The following CFAP54 variants were observed in gnomAD, a reference collection of about 807,000 sequenced individuals.
The protein encoded by CFAP54 is cilia- and flagella-associated protein 54.
In CFAP54, 290 loss-of-function variants were observed where a neutral mutation model predicts 370.4. The observed-to-expected ratio is 0.78, with a 90% confidence interval of 0.71 to 0.86. The LOEUF (loss-of-function observed/expected upper bound fraction) is 0.86, where lower values mean the gene tolerates loss of function less well. Among genes scored for constraint, CFAP54 ranks in the 40% least tolerant of loss-of-function variants. The pLI is 0.00. For missense variants in CFAP54, 3,399 were observed against 3,528.7 expected (o/e 0.96, Z 0.93); for synonymous variants, 1,206 against 1,236.5 (o/e 0.98, Z 0.52).
rs775805309 is a variant in CFAP54 at position 96,564,513 on chromosome 12, C to T, written c.2456C>T (p.Pro819Leu). The T allele has an allele frequency of 1.6e-4, 111 of 698,554 alleles. 1 individual carries two copies. In the East Asian group the frequency reaches 2.1e-3, roughly 13 times the overall value. The allele number at this position is 698,554 out of a possible 1,614,324, so 43.3% of individuals were successfully genotyped here. A position where few individuals can be genotyped will look rare whatever the true frequency, so the allele number is the denominator to read the frequency against. ...TVSKDISTKGPEKLKQSGSTD... is the reference protein window; with the variant it reads ...TVSKDISTKGLEKLKQSGSTD... ...AGCAAAGATATTTCTACCAAGGGTC[C>T]GGAAAAGTTAAAACAATCTGGAAGC... is the stretch of plus-strand genomic sequence containing the variant. Residue 819 changes from proline to leucine, a missense_variant, in exon 18 of 68, where the codon CCG (proline) becomes CTG (leucine). By Grantham distance (98) the Pro-to-Leu change is moderately conservative. Coordinates refer to ENST00000524981, the MANE Select transcript of CFAP54 (RefSeq NM_001306084.2).
intron 39 of CFAP54, 107 bp from the exon 40 acceptor site, chr12:96,679,493 G>A (rs10860065): frequency 0.17 from 201,316 of 1,180,902 alleles, 20,964 homozygotes; most frequent in East Asian, 0.52. Flanking sequence ...TGAATTTAGC[G>A]GCTTTAGGTT....
rs1335675998 is a variant in CFAP54, at chr12:96,533,848, C to A, written c.1414C>A (p.Leu472Ile). 4.6e-6 allele frequency: 7 copies of A among 1,534,496 alleles called. No homozygotes were observed. The highest frequency in any genetic ancestry group is 6.1e-6 in the Non-Finnish European group (7 of 1,146,250). Residue 472 changes from leucine (L) to isoleucine (I), a missense_variant, in exon 10 of 68, where the codon CTT becomes ATT. Coordinates refer to ENST00000524981, the MANE Select transcript of CFAP54 (RefSeq NM_001306084.2). ...LDFPKTSLLE[L>I]MIGRKDVISV... The stretch of plus-strand genomic sequence containing the variant: ...TTTTCCAAAAACATCTCTTCTGGAA[C>A]TTATGATAGGAAGAAAAGATGTTAT...
chr12:96,607,302 C>T (rs1032245015), intron 26 of CFAP54, among the ~76,000 whole-genome samples: 3 of 151,536 alleles, frequency 2.0e-5, no homozygotes, highest in Non-Finnish European at 4.4e-5. Flanking sequence ...TTTTTACTCT[C>T]ATCATGTTGG....
chr12:96,709,945 G>C (rs2136593466), intron 48 of CFAP54, among the ~76,000 whole-genome samples: 1 of 152,194 alleles, frequency 6.6e-6, no homozygotes, highest in East Asian at 1.9e-4. Context: ...TTGAACTCCT[G>C]ATCTCAAGTG....
Position 96,679,581 on chromosome 12 carries a change from C to A in CFAP54, c.5564-19C>A. 1 of 1,601,952 alleles carries A rather than the reference C, an allele frequency of 6.2e-7. No homozygotes were observed. The highest frequency in any genetic ancestry group is 8.5e-7 in the Non-Finnish European group (1 of 1,174,060). On this transcript the variant is annotated intron_variant, in intron 39 of 67. Coordinates refer to ENST00000524981, the MANE Select transcript of CFAP54 (RefSeq NM_001306084.2). ...GTGCAGCATTTCATCCCCAATATTC[C>A]GCTTTTCTTTCCTTTCAGAATACAG...
At chr12:96,755,635 G>A (rs1037708468) in intron 56 of CFAP54, among the ~76,000 whole-genome samples, 1 of 148,396 alleles carries the variant, frequency 6.7e-6, no homozygotes, top group Non-Finnish European at 1.5e-5. Context: ...ATTCCGTTGT[G>A]TATATATATC....
intron 65 of CFAP54, among the ~76,000 whole-genome samples, chr12:96,825,583 T>C (rs1276558923): frequency 8.4e-6 from 1 of 119,160 alleles, no homozygotes; most frequent in African/African-American, 3.4e-5. Context: ...ATAATAATTA[T>C]ATATACATAT....
At chr12:96,770,376 G>A in intron 60 of CFAP54, among the ~76,000 whole-genome samples, 1 of 152,172 alleles carries the variant, frequency 6.6e-6, no homozygotes, top group East Asian at 1.9e-4. Context: ...AGAAGGGACA[G>A]TACCATGGCT....
At chr12:96,611,533 C>A (rs185677890) in intron 26 of CFAP54, among the ~76,000 whole-genome samples, 6 of 152,284 alleles carry the variant, frequency 3.9e-5, no homozygotes, top group East Asian at 3.9e-4. Context: ...CAAAGCTGGA[C>A]GGAGAATGAC....
In CFAP54 at chr12:96,784,757, G is replaced by T; in HGVS notation, c.8322G>T (p.Leu2774Phe). ...QVLFQTSCTF[L>F]YQNDDVCDSA... Reference sequence around the variant, plus strand: ...TCTTCCAGACTTCCTGTACATTTTTGTACCAAAATGATGATGTGTGTGACA... The same window carrying T: ...TCTTCCAGACTTCCTGTACATTTTTTTACCAAAATGATGATGTGTGTGACA... Residue 2774 changes from leucine to phenylalanine, a missense_variant, in exon 61 of 68, where the codon TTG becomes TTT. This residue lies in a region of CFAP54 where 2,796 missense variants were observed against 2,869.7 expected (regional missense o/e 0.97). Coordinates refer to ENST00000524981, the MANE Select transcript of CFAP54 (RefSeq NM_001306084.2). 2 of 1,528,130 alleles carry T rather than the reference G, an allele frequency of 1.3e-6. No individual in the cohort carries two copies. The highest frequency in any genetic ancestry group is 1.7e-6 in the Non-Finnish European group (2 of 1,143,376). The allele number at this position is 1,528,130 out of a possible 1,614,324, so 94.7% of individuals were successfully genotyped here.
intron 64 of CFAP54, among the ~76,000 whole-genome samples, chr12:96,812,966 C>T (rs527342330): frequency 6.6e-6 from 1 of 152,124 alleles, no homozygotes; most frequent in Admixed American, 6.5e-5. Flanking sequence ...TCCTTCTTTT[C>T]CTTTCCCTTT....
chr12:96,873,993 C>G (rs981821548), intron 67 of CFAP54, among the ~76,000 whole-genome samples: 2 of 152,148 alleles, frequency 1.3e-5, no homozygotes, highest in Non-Finnish European at 2.9e-5. Context: ...CTTTTGTCTT[C>G]TCCATACTCT....
Position 96,533,855 on chromosome 12 carries a change from TAGG to T in CFAP54, c.1423_1425del (p.Gly475del), listed in dbSNP as rs1403881667. 9.8e-6 allele frequency: 15 copies of T among 1,534,990 alleles called. No homozygotes were observed. The highest frequency in any genetic ancestry group is 1.3e-5 in the Non-Finnish European group (15 of 1,146,380). Reference sequence around the variant, plus strand: ...AAAACATCTCTTCTGGAACTTATGATAGGAAGAAAAGATGTTATTTCTGTGGAT... The same window carrying T: ...AAAACATCTCTTCTGGAACTTATGATAAGAAAAGATGTTATTTCTGTGGAT... On this transcript the variant is annotated inframe_deletion, in exon 10 of 68. Transcript: ENST00000524981.
intron 48 of CFAP54, among the ~76,000 whole-genome samples, chr12:96,711,545 C>G (rs1344886138): frequency 6.6e-6 from 1 of 152,132 alleles, no homozygotes; most frequent in Non-Finnish European, 1.5e-5. Context: ...TTAGTTGTGC[C>G]AGTTTGAAGT....
intron 14 of CFAP54, among the ~76,000 whole-genome samples, chr12:96,546,228 G>C (rs1313744888): frequency 1.3e-5 from 2 of 152,172 alleles, no homozygotes; most frequent in Admixed American, 1.3e-4. Context: ...AAGTGAACAG[G>C]GTTGGAGAAT....
In CFAP54 at chr12:96,685,016, G is replaced by C; in HGVS notation, c.5805-13G>C. 6.2e-7 allele frequency: 1 copy of C among 1,612,494 alleles called. No homozygotes were observed. ...CAGAAAACTTACTGCTTGATGCTTT[G>C]TCTCTGTTTTAGGGCTGCTTTTAAG... On this transcript the variant is annotated splice_polypyrimidine_tract_variant and intron_variant, in intron 41 of 67. Coordinates refer to ENST00000524981, the MANE Select transcript of CFAP54 (RefSeq NM_001306084.2).
chr12:96,842,671 G>A (rs543999658), intron 66 of CFAP54, among the ~76,000 whole-genome samples: 64 of 152,152 alleles, frequency 4.2e-4, no homozygotes, highest in African/African-American at 1.5e-3. Flanking sequence ...TGCTTTGTGC[G>A]GTATCTAGCA....
At chr12:96,614,186 C>G (rs1186320277) in intron 26 of CFAP54, among the ~76,000 whole-genome samples, 2 of 152,180 alleles carry the variant, frequency 1.3e-5, no homozygotes, top group Non-Finnish European at 2.9e-5. Flanking sequence ...GGCTTCATCC[C>G]TGGGATGCAA....
intron 63 of CFAP54, among the ~76,000 whole-genome samples, chr12:96,793,346 G>A (rs1958723097): frequency 6.6e-6 from 1 of 152,106 alleles, no homozygotes; most frequent in African/African-American, 2.4e-5. Context: ...TTCCATCCAG[G>A]TTGCTGTGAA....
Sources: gnomAD v4.1 joint callset for allele counts (sites outside exome capture counted in the v4.1 genomes callset) on GRCh38, gnomAD v4.1.1 for gene constraint, gnomAD v4.1.1 regional missense constraint, MANE v1.5 for transcripts, NCBI Gene and HGNC (gene_info 2026-07-23, HGNC 2026-07-21) for gene names.